TMEM132B: variants seen among roughly 807,000 people sequenced by gnomAD.
TMEM132B encodes the protein transmembrane protein 132B.
In TMEM132B, 18 loss-of-function variants were observed where a neutral mutation model predicts 90.8. The ratio of observed to expected loss-of-function variants is 0.20; its 90% CI spans 0.14 to 0.29. The LOEUF (loss-of-function observed/expected upper bound fraction) is 0.29, where lower values mean the gene tolerates loss of function less well. TMEM132B is among the 10% of genes least tolerant of loss of function. TMEM132B has a pLI of 1.00. For missense variants in TMEM132B, 1,096 were observed against 1,326.8 expected (o/e 0.83, Z 2.70); for synonymous variants, 504 against 523.3 (o/e 0.96, Z 0.50).
intron 2 of TMEM132B, among the ~76,000 whole-genome samples, chr12:125,399,676 G>T (rs754978220): frequency 4.6e-5 from 7 of 152,138 alleles, no homozygotes; most frequent in African/African-American, 1.7e-4. Flanking sequence ...GTGGTAATTT[G>T]TTACAACAGT....
intron 4 of TMEM132B, among the ~76,000 whole-genome samples, chr12:125,533,417 C>T (rs910477456): frequency 6.6e-6 from 1 of 152,236 alleles, no homozygotes; most frequent in Non-Finnish European, 1.5e-5. Context: ...CTCCCCTTCC[C>T]AGGGCCCTCC....
chr12:125,474,129 CCT>C (rs916817646), intron 3 of TMEM132B, among the ~76,000 whole-genome samples: 5 of 144,106 alleles, frequency 3.5e-5, no homozygotes, highest in Non-Finnish European at 6.0e-5. Flanking sequence ...CATTTTCTTT[CCT>C]CTCTCTCTCG....
chr12:125,260,572 C>T (rs1874541404), intron 1 of TMEM132B, among the ~76,000 whole-genome samples: 1 of 149,292 alleles, frequency 6.7e-6, no homozygotes, highest in South Asian at 2.2e-4. Flanking sequence ...TGGTCTCAAA[C>T]TCCTGGCCTT....
At position 125,415,486 on chromosome 12, in the gene TMEM132B, A is replaced by G. The variant is rs149075439; in HGVS notation, c.960-45A>G. On this transcript the variant is annotated intron_variant, in intron 2 of 8. Transcript: ENST00000682704. This position sits in a 1 kb window ranked among gnomAD's most constrained non-coding sequence, Gnocchi z 5.3. ...ATCTTTTACTACCTGTTTCAAACTA[A>G]AATGGTTTTATTATATATAATATCA... 1.3e-4 allele frequency: 208 copies of G among 1,600,122 alleles called. 2 individuals carry two copies. The African/African-American group carries it at 2.1e-3, about 16-fold the overall frequency.
At chr12:125,376,223 T>G (rs1338837365) in intron 2 of TMEM132B, among the ~76,000 whole-genome samples, 1 of 152,254 alleles carries the variant, frequency 6.6e-6, no homozygotes, top group Non-Finnish European at 1.5e-5. Flanking sequence ...ATAACATTGT[T>G]TTTTTCCATT....
chr12:125,214,037 T>C (rs985041145), intron 1 of TMEM132B, among the ~76,000 whole-genome samples: 4 of 152,178 alleles, frequency 2.6e-5, no homozygotes, highest in African/African-American at 7.2e-5. Context: ...ACTGGGGGGA[T>C]AGACAGATAA....
At chr12:125,227,560 G>T (rs1212858585) in intron 1 of TMEM132B, among the ~76,000 whole-genome samples, 1 of 152,116 alleles carries the variant, frequency 6.6e-6, no homozygotes, top group Non-Finnish European at 1.5e-5. Flanking sequence ...AGACTCCCTT[G>T]AGTCCAAGAG....
intron 3 of TMEM132B, among the ~76,000 whole-genome samples, chr12:125,465,533 A>G (rs1024299834): frequency 1.3e-5 from 2 of 152,166 alleles, no homozygotes; most frequent in Non-Finnish European, 2.9e-5. Context: ...AGTTAACAGG[A>G]AAGTATCTTA....
rs1887024429 is a variant in TMEM132B at position 125,654,938 on chromosome 12, C to G, written c.*228C>G. On this transcript the variant is annotated 3_prime_UTR_variant, in exon 9 of 9. Coordinates refer to ENST00000682704, the MANE Select transcript of TMEM132B (RefSeq NM_001366854.1). This position sits in a 1 kb window ranked among gnomAD's most constrained non-coding sequence, Gnocchi z 5.8. ...TGTGGGGACTGGAGAAATTCTAAGA[C>G]AACAGTTTTATGGACTGCCTGGTAC... 2 of 524,604 alleles carry G rather than the reference C, an allele frequency of 3.8e-6. No individual in the cohort carries two copies. Among genetic ancestry groups the G allele is most frequent in the South Asian group, 5.2e-5 (2 of 38,586 alleles). 32.5% of individuals were successfully genotyped at this position (524,604 alleles called of 1,614,324 possible).
At chr12:125,551,108 T>A (rs1884218549) in intron 4 of TMEM132B, among the ~76,000 whole-genome samples, 1 of 152,260 alleles carries the variant, frequency 6.6e-6, no homozygotes, top group Admixed American at 6.5e-5. Context: ...CCACTGTGTC[T>A]GGCCCTGGAG....
intron 1 of TMEM132B, among the ~76,000 whole-genome samples, chr12:125,266,770 G>A (rs1268290339): frequency 6.6e-6 from 1 of 152,204 alleles, no homozygotes; most frequent in Admixed American, 6.5e-5. Context: ...GGGTGATTTT[G>A]GGCTTCTTAT....
chr12:125,583,790 C>G lies in TMEM132B; in HGVS notation c.1294-61C>G. On this transcript the variant is annotated intron_variant, in intron 4 of 8. Transcript: ENST00000682704. ...AGTAGGGAGCTTGGTGGACACCCCTCTCCTGCTCGCCCCTGTGGTATGCAC... is the reference window on the plus strand; with the variant it reads ...AGTAGGGAGCTTGGTGGACACCCCTGTCCTGCTCGCCCCTGTGGTATGCAC... 9 of 1,590,784 alleles carry G rather than the reference C, an allele frequency of 5.7e-6. No individual in the cohort carries two copies. The South Asian group carries it at 1.0e-4, about 18-fold the overall frequency.
chr12:125,652,623 C>T lies in TMEM132B; in HGVS notation c.2097C>T (p.Ser699=), dbSNP rs564043133. 2 of 1,611,902 alleles carry T rather than the reference C, an allele frequency of 1.2e-6. No homozygotes were observed. The highest frequency in any genetic ancestry group is 1.7e-6 in the Non-Finnish European group (2 of 1,178,920). Residue 699 remains serine (S), a synonymous_variant, in exon 8 of 9, where the codon TCC becomes TCT. Transcript: ENST00000682704. ...CTGCTGCCCTGGATGTTCTTCAGTCCCCACAGCAGGTGAGCGTTCCAGGGG... is the reference window on the plus strand; with the variant it reads ...CTGCTGCCCTGGATGTTCTTCAGTCTCCACAGCAGGTGAGCGTTCCAGGGG... ...STAAALDVLQ[S]PQQEAIVSSW...
intron 4 of TMEM132B, among the ~76,000 whole-genome samples, chr12:125,569,518 G>A: frequency 6.6e-6 from 1 of 152,070 alleles, no homozygotes; most frequent in East Asian, 1.9e-4. Flanking sequence ...TTTTTACCAT[G>A]GGCTACTTTT....
At chr12:125,358,736 T>G (rs326401) in intron 2 of TMEM132B, among the ~76,000 whole-genome samples, 22,171 of 152,172 alleles carry the variant, frequency 0.15, 2,028 homozygotes, top group African/African-American at 0.25. Context: ...TGGTTAAGTT[T>G]GTGTCTGCCC....
Position 125,415,774 on chromosome 12 carries a change from G to A in TMEM132B, c.1106+97G>A. 7.1e-7 allele frequency: 1 copy of A among 1,413,982 alleles called. No individual in the cohort carries two copies. Among genetic ancestry groups the A allele is most frequent in the South Asian group, 1.6e-5 (1 of 61,578 alleles). 87.6% of individuals were successfully genotyped at this position (1,413,982 alleles called of 1,614,324 possible). A position where few individuals can be genotyped will look rare whatever the true frequency, so the allele number is the denominator to read the frequency against. Reference sequence around the variant, plus strand: ...ATAATGTGCGTGTGGATAAAGCGATGCCTCTGCGTTTAATGAGAAATGATT... The same window carrying A: ...ATAATGTGCGTGTGGATAAAGCGATACCTCTGCGTTTAATGAGAAATGATT... On this transcript the variant is annotated intron_variant, in intron 3 of 8. Coordinates refer to ENST00000682704, the MANE Select transcript of TMEM132B (RefSeq NM_001366854.1). This position sits in a 1 kb window ranked among gnomAD's most constrained non-coding sequence, Gnocchi z 5.3.
chr12:125,414,613 A>G (rs1457016490), intron 2 of TMEM132B, among the ~76,000 whole-genome samples: 1 of 152,158 alleles, frequency 6.6e-6, no homozygotes, highest in African/African-American at 2.4e-5. Context: ...CCTCTGCAGC[A>G]TTAGTTCGCA....
chr12:125,499,599 C>T (rs1431438310), intron 3 of TMEM132B, among the ~76,000 whole-genome samples: 4 of 152,130 alleles, frequency 2.6e-5, no homozygotes, highest in Admixed American at 1.3e-4. Flanking sequence ...TATAAGTGGA[C>T]GCATGGGGGG....
At chr12:125,644,749 G>A (rs532268458) in intron 6 of TMEM132B, among the ~76,000 whole-genome samples, 7 of 152,120 alleles carry the variant, frequency 4.6e-5, no homozygotes, top group Non-Finnish European at 1.0e-4. Context: ...CCACCATCCC[G>A]CGCCGGGCAA....
Sources: allele counts gnomAD v4.1 joint callset (sites outside exome capture counted in the v4.1 genomes callset), GRCh38; gene constraint gnomAD v4.1.1; non-coding constraint Gnocchi (gnomAD v3.1); transcripts MANE v1.5; gene names NCBI Gene and HGNC (gene_info 2026-07-23, HGNC 2026-07-21).